Variants in POLR2J observed in about 807,000 individuals in gnomAD.
POLR2J encodes DNA-directed RNA polymerase II subunit RPB11-a.
A neutral mutation model predicts 13.4 loss-of-function variants in POLR2J; 12 were observed. The observed-to-expected ratio is 0.90, with a 90% CI of 0.57 to 1.45. The LOEUF (loss-of-function observed/expected upper bound fraction) is 1.45, where lower values mean the gene tolerates loss of function less well. Ranked by LOEUF, POLR2J falls within the 40% of genes most tolerant of loss-of-function variation. The pLI, the probability that POLR2J is intolerant of heterozygous loss-of-function variation, is 0.00. For missense variants in POLR2J, 58 were observed against 132.0 expected (o/e 0.44, Z 2.75); for synonymous variants, 31 against 53.6 (o/e 0.58, Z 1.84).
intron 3 of POLR2J, chr7:102,473,984 T>G (rs1257323033): frequency 1.4e-6 from 2 of 1,434,466 alleles, no homozygotes; most frequent in African/African-American, 1.4e-5. Context: ...CCATGCGCCC[T>G]GCCAGGAACA....
chr7:102,476,048 T>G, intron 2 of POLR2J, 133 bp downstream of exon 2: 2 of 565,586 alleles, frequency 3.5e-6, no homozygotes, highest in South Asian at 2.0e-5. Flanking sequence ...GTACCAAGAT[T>G]ATAAAATGCC....
At chr7:102,473,827 G>C (rs1287050882) in intron 3 of POLR2J, 143 bp from the exon 4 acceptor site, 1 of 1,466,294 alleles carries the variant, frequency 6.8e-7, no homozygotes, top group Non-Finnish European at 9.0e-7. Context: ...AGCAGCCAAA[G>C]GGCCCTCCCA....
intron 1 of POLR2J, 22 bp downstream of exon 1, chr7:102,478,786 C>G (rs760190205): frequency 3.1e-6 from 5 of 1,610,158 alleles, no homozygotes; most frequent in Admixed American, 3.3e-5. Flanking sequence ...CACCTCGGCC[C>G]GCCGCAGCCG....
At chr7:102,478,660 A>G in intron 1 of POLR2J, 148 bp downstream of exon 1, 1 of 1,443,574 alleles carries the variant, frequency 6.9e-7, no homozygotes, top group Non-Finnish European at 9.2e-7. Context: ...TGCCTCGCGG[A>G]ACGGCCTTAA....
intron 2 of POLR2J, among the ~76,000 whole-genome samples, chr7:102,475,936 A>G (rs924144688): frequency 1.9e-5 from 2 of 105,364 alleles, no homozygotes; most frequent in African/African-American, 5.7e-5. Flanking sequence ...AAACAAACAA[A>G]CAAACAGTGA....
intron 3 of POLR2J, 98 bp from the exon 4 acceptor site, chr7:102,473,782 AG>A: frequency 6.4e-7 from 1 of 1,560,982 alleles, no homozygotes. Context: ...CCCTTCCTGG[AG>A]GGCAGCCATG....
Position 102,473,391 on chromosome 7 carries a change from C to A in POLR2J, c.*258G>T. ...GCCGGACGCCCCTGAAACAGGTCATCTGCCTGCATCAAGCCTGACAATCCA... is the reference window on the plus strand; with the variant it reads ...GCCGGACGCCCCTGAAACAGGTCATATGCCTGCATCAAGCCTGACAATCCA... On this transcript the variant is annotated 3_prime_UTR_variant, in exon 4 of 4. Transcript: ENST00000292614. The A allele has an allele frequency of 1.7e-6, 1 of 599,244 alleles. No homozygotes were observed. Among genetic ancestry groups the A allele is most frequent in the Non-Finnish European group, 2.8e-6 (1 of 353,310 alleles). The allele number at this position is 599,244 out of a possible 1,614,324, so 37.1% of individuals were successfully genotyped here.
rs555591356 is a variant in POLR2J, at chr7:102,475,189, C to A, written c.144-654G>T. Among the ~76,000 whole-genome samples, 199 of 152,362 alleles carry A rather than the reference C, an allele frequency of 1.3e-3. 2 individuals are homozygous for A. The highest frequency in any genetic ancestry group is 9.7e-3 in the South Asian group (47 of 4,826). On this transcript the variant is annotated intron_variant, in intron 2 of 3. Transcript: ENST00000292614. ...CACTGGCTGGGCTCCGGGCAGGAGT[C>A]CTCCATCCCTGCGCCTGCCCACACC...
Position 102,473,375 on chromosome 7 carries a change from C to CCCTGAAA in POLR2J, c.*267_*273dup. ...GAATTCATCCCTGCCAGCCGGACGC[C>CCCTGAAA]CCTGAAACAGGTCATCTGCCTGCAT... On this transcript the variant is annotated 3_prime_UTR_variant, in exon 4 of 4. Coordinates refer to ENST00000292614, the MANE Select transcript of POLR2J (RefSeq NM_006234.6). 2 of 586,532 alleles carry CCCTGAAA rather than the reference C, an allele frequency of 3.4e-6. No individual in the cohort carries two copies. Among genetic ancestry groups the CCCTGAAA allele is most frequent in the South Asian group, 4.8e-5 (2 of 41,652 alleles). 36.3% of individuals were successfully genotyped at this position (586,532 alleles called of 1,614,324 possible).
rs187254105 is a variant in POLR2J at position 102,473,259 on chromosome 7, G to C, written c.*390C>G. On this transcript the variant is annotated 3_prime_UTR_variant, in exon 4 of 4. Transcript: ENST00000292614. The stretch of plus-strand genomic sequence containing the variant: ...CAGGAGTTGAGGCTTCTAGAGCAGA[G>C]ACTCTTGGGAGCTCATGGGTTTGCA... 175 of 644,304 alleles carry C rather than the reference G, an allele frequency of 2.7e-4. No homozygotes were observed. In the African/African-American group the frequency reaches 2.9e-3, roughly 11 times the overall value. 39.9% of individuals were successfully genotyped at this position (644,304 alleles called of 1,614,324 possible). A position where few individuals can be genotyped will look rare whatever the true frequency, so the allele number is the denominator to read the frequency against.
At position 102,473,607 on chromosome 7, in the gene POLR2J, T is replaced by A. The variant is rs551941302; in HGVS notation, c.*42A>T. ...CCTGGAGCGGAGGGTCAGGCACAGG[T>A]AGGAACGGGGCTCACAGGCCGAGCA... On this transcript the variant is annotated 3_prime_UTR_variant, in exon 4 of 4. Transcript: ENST00000292614. The A allele has an allele frequency of 1.9e-6, 3 of 1,611,882 alleles. No homozygotes were observed. The highest frequency in any genetic ancestry group is 2.2e-5 in the South Asian group (2 of 90,876).
intron 2 of POLR2J, among the ~76,000 whole-genome samples, chr7:102,475,315 G>A (rs997208222): frequency 2.0e-5 from 3 of 152,226 alleles, no homozygotes; most frequent in Admixed American, 1.3e-4. Flanking sequence ...CAAGTCCCTG[G>A]GCCAGAATGG....
chr7:102,475,515 G>A lies in POLR2J; in HGVS notation c.143+666C>T, dbSNP rs915477596. On this transcript the variant is annotated intron_variant, in intron 2 of 3. Coordinates refer to ENST00000292614, the MANE Select transcript of POLR2J (RefSeq NM_006234.6). ...CCCAGGTGGCACTGAGGTCACAAACGGGTGGCATGAGGGGAGCTAATCTTG... is the reference window on the plus strand; with the variant it reads ...CCCAGGTGGCACTGAGGTCACAAACAGGTGGCATGAGGGGAGCTAATCTTG... Among the ~76,000 whole-genome samples the A allele has an allele frequency of 8.5e-5, 13 of 152,198 alleles. No individual in the cohort carries two copies. The South Asian group carries it at 1.0e-3, about 12-fold the overall frequency.
At position 102,473,386 on chromosome 7, in the gene POLR2J, G is replaced by T. The variant is rs531457132; in HGVS notation, c.*263C>A. 7 of 590,152 alleles carry T rather than the reference G, an allele frequency of 1.2e-5. No homozygotes were observed. The highest frequency in any genetic ancestry group is 9.8e-5 in the Admixed American group (3 of 30,704). 36.6% of individuals were successfully genotyped at this position (590,152 alleles called of 1,614,324 possible). ...TGCCAGCCGGACGCCCCTGAAACAG[G>T]TCATCTGCCTGCATCAAGCCTGACA... is the stretch of plus-strand genomic sequence containing the variant. On this transcript the variant is annotated 3_prime_UTR_variant, in exon 4 of 4. Transcript: ENST00000292614.
chr7:102,474,586 G>A (rs1798363872), intron 2 of POLR2J, 51 bp from the exon 3 acceptor site: 1 of 1,374,422 alleles, frequency 7.3e-7, no homozygotes, highest in African/African-American at 1.4e-5. Context: ...CCCAAGCTGG[G>A]TAGCAGCCAG....
intron 2 of POLR2J, 31 bp from the exon 3 acceptor site, chr7:102,474,566 T>C: frequency 7.9e-7 from 1 of 1,269,930 alleles, no homozygotes; most frequent in Non-Finnish European, 1.1e-6. Context: ...TGTGAGGGTC[T>C]AGCCTCATGC....
At position 102,473,163 on chromosome 7, in the gene POLR2J, C is replaced by CAAGAA. The variant is rs1798277689; in HGVS notation, c.*481_*485dup. 2 of 1,232,090 alleles carry CAAGAA rather than the reference C, an allele frequency of 1.6e-6. No homozygotes were observed. The highest frequency in any genetic ancestry group is 4.8e-5 in the East Asian group (2 of 41,360). The allele number at this position is 1,232,090 out of a possible 1,614,324, so 76.3% of individuals were successfully genotyped here. ...TATTTTTATTAAACTCTACTGTGGACAAGAAGCCTGTGGAAAGGTGTTTCG... is the reference window on the plus strand; with the variant it reads ...TATTTTTATTAAACTCTACTGTGGACAAGAAAAGAAGCCTGTGGAAAGGTGTTTCG... On this transcript the variant is annotated 3_prime_UTR_variant, in exon 4 of 4. Coordinates refer to ENST00000292614, the MANE Select transcript of POLR2J (RefSeq NM_006234.6).
At chr7:102,475,537 C>T (rs1798403303) in intron 2 of POLR2J, among the ~76,000 whole-genome samples, 1 of 152,190 alleles carries the variant, frequency 6.6e-6, no homozygotes, top group Non-Finnish European at 1.5e-5. Context: ...GGGAGCTAAT[C>T]TTGACTGCTT....
In POLR2J at chr7:102,473,513, C is replaced by T. The variant is rs1170619517; in HGVS notation, c.*136G>A. 1.5e-6 allele frequency: 2 copies of T among 1,320,892 alleles called. No individual in the cohort carries two copies. The highest frequency in any genetic ancestry group is 1.4e-5 in the African/African-American group (1 of 68,994). 81.8% of individuals were successfully genotyped at this position (1,320,892 alleles called of 1,614,324 possible). On this transcript the variant is annotated 3_prime_UTR_variant, in exon 4 of 4. Transcript: ENST00000292614. Reference sequence around the variant, plus strand: ...AACCTAATCTATGTACAGGACACGTCGGTGTCAGGGTGAGGGGTGGCCACA... The same window carrying T: ...AACCTAATCTATGTACAGGACACGTTGGTGTCAGGGTGAGGGGTGGCCACA...
Sources: gnomAD v4.1 joint callset for allele counts (sites outside exome capture counted in the v4.1 genomes callset) on GRCh38, gnomAD v4.1.1 for gene constraint, MANE v1.5 for transcripts, NCBI Gene and HGNC (gene_info 2026-07-23, HGNC 2026-07-21) for gene names.